XPO6: variants seen among roughly 807,000 people sequenced by gnomAD.
XPO6 encodes the protein exportin-6.
Under a neutral mutation model 130.0 loss-of-function variants are expected in XPO6, and 3 were observed. The ratio of observed to expected loss-of-function variants is 0.02; its 90% CI spans 0.01 to 0.06. XPO6 has a LOEUF of 0.06. Ranked by LOEUF, XPO6 falls within the 10% of genes least tolerant of loss-of-function variation. The pLI is 1.00. For synonymous variants in XPO6, 524 were observed against 548.9 expected, an observed-to-expected ratio of 0.95 and a Z score of 0.63; for missense variants, 970 against 1,393.0, an observed-to-expected ratio of 0.70 and a Z score of 4.83.
intron 9 of XPO6, 141 bp from the exon 10 acceptor site, chr16:28,135,465 T>C: frequency 4.5e-6 from 3 of 663,534 alleles, no homozygotes; most frequent in Non-Finnish European, 7.7e-6. Flanking sequence ...GCTGAGTTTA[T>C]GGGTTGGTAC....
At chr16:28,124,775 G>T (rs1199587841) in intron 13 of XPO6, among the ~76,000 whole-genome samples, 1 of 152,204 alleles carries the variant, frequency 6.6e-6, no homozygotes, top group Non-Finnish European at 1.5e-5. Flanking sequence ...AGGGATTTAA[G>T]CCCCTTGGCT....
At position 28,166,534 on chromosome 16, in the gene XPO6, G is replaced by A. The variant is rs757547483; in HGVS notation, c.617C>T (p.Pro206Leu). 3.8e-6 allele frequency: 6 copies of A among 1,593,782 alleles called. No individual in the cohort carries two copies. In the South Asian group the frequency reaches 5.7e-5, roughly 15 times the overall value. ...ACTTTCTCCTGAGGTCGGGGATGGT[G>A]GTGGAGTGGCAGCAGTAACACTGTG... is the stretch of plus-strand genomic sequence containing the variant. ...DKHSVTAATP[P>L]PSPTSGESGD... The change falls in exon 6 of 24, where the codon CCA becomes CTA. Residue 206 changes from proline to leucine, a missense_variant. Transcript: ENST00000304658.
intron 23 of XPO6, among the ~76,000 whole-genome samples, chr16:28,100,022 C>G (rs572927636): frequency 4.0e-4 from 61 of 152,156 alleles, no homozygotes; most frequent in African/African-American, 1.4e-3. Flanking sequence ...AAGTCCCACT[C>G]TGCCGCCCAG....
intron 1 of XPO6, among the ~76,000 whole-genome samples, chr16:28,184,599 TAAA>T (rs775780148): frequency 4.0e-5 from 4 of 99,248 alleles, no homozygotes; most frequent in Non-Finnish European, 4.3e-5. Flanking sequence ...AACAAATCAG[TAAA>T]AAAAAAAAAA....
At position 28,132,875 on chromosome 16, in the gene XPO6, T is replaced by TG. The variant is rs1240494363; in HGVS notation, c.1537-473dup. On this transcript the variant is annotated intron_variant, in intron 11 of 23. Transcript: ENST00000304658. The surrounding 1 kb of genome is among the most constrained non-coding windows in gnomAD (Gnocchi z 4.0). ...CCAAATTATTTGGAAGTCAGTTCCC[T>TG]GGCTCAAGTAGCGGTCAGAACGTCA... Among the ~76,000 whole-genome samples the TG allele has an allele frequency of 2.6e-5, 4 of 152,216 alleles. No homozygotes were observed. The highest frequency in any genetic ancestry group is 4.4e-5 in the Non-Finnish European group (3 of 68,048).
chr16:28,104,537 C>G lies in XPO6; in HGVS notation c.2946+9G>C. ...AAGTCACCTGGCAGCAACCCCGCCC[C>G]CACGTTACCTGCATGATGGCACTGA... On this transcript the variant is annotated intron_variant, in intron 21 of 23. Transcript: ENST00000304658. 6.2e-7 allele frequency: 1 copy of G among 1,613,984 alleles called. No individual in the cohort carries two copies. Among genetic ancestry groups the G allele is most frequent in the East Asian group, 2.2e-5 (1 of 44,882 alleles).
At chr16:28,186,411 T>G (rs1385967018) in intron 1 of XPO6, among the ~76,000 whole-genome samples, 1 of 133,650 alleles carries the variant, frequency 7.5e-6, no homozygotes, top group Non-Finnish European at 1.6e-5. Flanking sequence ...ATGGTCTCTG[T>G]TGCCAGGCTA....
At chr16:28,209,474 T>A (rs2044090648) in intron 1 of XPO6, among the ~76,000 whole-genome samples, 1 of 151,906 alleles carries the variant, frequency 6.6e-6, no homozygotes, top group Non-Finnish European at 1.5e-5. Flanking sequence ...ACCCCATCTC[T>A]ACTAAAAATA....
At chr16:28,187,602 G>A (rs1415259947) in intron 1 of XPO6, among the ~76,000 whole-genome samples, 2 of 150,848 alleles carry the variant, frequency 1.3e-5, no homozygotes, top group African/African-American at 4.9e-5. Flanking sequence ...GGCATGAAGT[G>A]TGGGCTGAAA....
intron 8 of XPO6, among the ~76,000 whole-genome samples, chr16:28,149,020 C>T (rs995495324): frequency 2.1e-5 from 3 of 141,630 alleles, no homozygotes; most frequent in Admixed American, 7.5e-5. Flanking sequence ...CCAGCGTGGG[C>T]GACAAGAGTG....
intron 16 of XPO6, among the ~76,000 whole-genome samples, chr16:28,112,665 C>G (rs2086955159): frequency 6.6e-6 from 1 of 152,254 alleles, no homozygotes; most frequent in Non-Finnish European, 1.5e-5. Flanking sequence ...GCAGCAAAAC[C>G]TTTCTGCACA....
At chr16:28,103,246 T>C (rs2086691470) in intron 21 of XPO6, among the ~76,000 whole-genome samples, 4 of 152,138 alleles carry the variant, frequency 2.6e-5, no homozygotes, top group Admixed American at 2.6e-4. Flanking sequence ...CTACCATGCA[T>C]AGCCTTTGGC....
chr16:28,156,193 A>G lies in XPO6; in HGVS notation c.978T>C (p.Pro326=), dbSNP rs753330585. 1.2e-6 allele frequency: 2 copies of G among 1,614,040 alleles called. No homozygotes were observed. The highest frequency in any genetic ancestry group is 1.7e-6 in the Non-Finnish European group (2 of 1,180,022). Residue 326 remains proline, a synonymous_variant, in exon 7 of 24, where the codon CCT becomes CCC. Coordinates refer to ENST00000304658, the MANE Select transcript of XPO6 (RefSeq NM_015171.4). ...GCAGTAAATACTCCTCAAATTCCATAGGCACACAGTTCTTGGACATGAGTT... is the reference window on the plus strand; with the variant it reads ...GCAGTAAATACTCCTCAAATTCCATGGGCACACAGTTCTTGGACATGAGTT... The part of the protein sequence containing the change: ...INELMSKNCV[P]MEFEEYLLRM...
In XPO6 at chr16:28,186,413, G is replaced by A. The variant is rs1381269097; in HGVS notation, c.4-5382C>T. On this transcript the variant is annotated intron_variant, in intron 1 of 23. Coordinates refer to ENST00000304658, the MANE Select transcript of XPO6 (RefSeq NM_015171.4). ...TTTTGCTAAAGACATGGTCTCTGTT[G>A]CCAGGCTAGAGTTCAGTGGCATGAT... 1.8e-4 allele frequency among the ~76,000 whole-genome samples: 14 copies of A among 76,188 alleles called. No individual in the cohort carries two copies. In the Admixed American group the frequency reaches 2.7e-3, roughly 15 times the overall value. The allele number at this position is 76,188 out of a possible 152,430, so 50.0% of individuals were successfully genotyped here.
At chr16:28,141,707 T>C (rs2042896133) in intron 9 of XPO6, among the ~76,000 whole-genome samples, 1 of 152,156 alleles carries the variant, frequency 6.6e-6, no homozygotes, top group Admixed American at 6.5e-5. Flanking sequence ...ACACCTGTAA[T>C]CCCAGCACTT....
At position 28,106,276 on chromosome 16, in the gene XPO6, C is replaced by T; in HGVS notation, c.2613-62G>A. On this transcript the variant is annotated intron_variant, in intron 19 of 23. Transcript: ENST00000304658. This position sits in a 1 kb window ranked among gnomAD's most constrained non-coding sequence, Gnocchi z 4.2. ...GTTTCTCTGGGGGCCAGCATGAAAA[C>T]CCATGCTGTGGCAAGTGCAGAACAG... 2 of 1,607,024 alleles carry T rather than the reference C, an allele frequency of 1.2e-6. No individual in the cohort carries two copies. Among genetic ancestry groups the T allele is most frequent in the Non-Finnish European group, 1.7e-6 (2 of 1,174,856 alleles).
intron 6 of XPO6, among the ~76,000 whole-genome samples, chr16:28,160,193 A>G (rs1353679148): frequency 6.7e-6 from 1 of 149,114 alleles, no homozygotes; most frequent in Non-Finnish European, 1.5e-5. Context: ...TTAAAAAAAA[A>G]AAAAAAAAAA....
chr16:28,173,839 T>A (rs1409887377), intron 4 of XPO6, among the ~76,000 whole-genome samples: 1 of 152,168 alleles, frequency 6.6e-6, no homozygotes, highest in Admixed American at 6.5e-5. Context: ...TACAAATAAT[T>A]ATACTTCAAA....
At chr16:28,202,471 T>C (rs189010832) in intron 1 of XPO6, among the ~76,000 whole-genome samples, 2 of 151,930 alleles carry the variant, frequency 1.3e-5, no homozygotes, top group Admixed American at 1.3e-4. Context: ...CAAGAGACAA[T>C]GACAGCTTGA....
Sources: gnomAD v4.1 joint callset for allele counts (sites outside exome capture counted in the v4.1 genomes callset) on GRCh38, gnomAD v4.1.1 for gene constraint, Gnocchi (gnomAD v3.1) non-coding constraint, MANE v1.5 for transcripts, NCBI Gene and HGNC (gene_info 2026-07-23, HGNC 2026-07-21) for gene names.